MAGI2: variants seen among roughly 807,000 people sequenced by gnomAD.
MAGI2 encodes membrane associated guanylate kinase, WW and PDZ domain containing 2, also known as membrane-associated guanylate kinase, WW and PDZ domain-containing protein 2.
Under a neutral mutation model 133.3 loss-of-function variants are expected in MAGI2, and 35 were observed. The observed-to-expected ratio is 0.26, with a 90% CI of 0.20 to 0.35. The LOEUF (loss-of-function observed/expected upper bound fraction) is 0.35, where lower values mean the gene tolerates loss of function less well. MAGI2 is among the 10% of genes least tolerant of loss of function. MAGI2 has a pLI of 1.00. For synonymous variants in MAGI2, 729 were observed against 710.6 expected (o/e 1.03, Z -0.41); for missense variants, 1,636 against 1,863.4 (o/e 0.88, Z 2.25).
intron 20 of MAGI2, among the ~76,000 whole-genome samples, chr7:78,085,648 G>A (rs1816563156): frequency 6.6e-6 from 1 of 151,340 alleles, no homozygotes; most frequent in Non-Finnish European, 1.5e-5. Context: ...AAGCAGAAGT[G>A]TGAAATGACC....
At chr7:79,118,133 G>T (rs1483708886) in intron 1 of MAGI2, among the ~76,000 whole-genome samples, 1 of 152,136 alleles carries the variant, frequency 6.6e-6, no homozygotes, top group Non-Finnish European at 1.5e-5. Context: ...GTGTAACTTT[G>T]GCTGAGAAAA....
At chr7:79,234,587 G>A (rs1320949536) in intron 1 of MAGI2, among the ~76,000 whole-genome samples, 4 of 151,784 alleles carry the variant, frequency 2.6e-5, no homozygotes, top group Non-Finnish European at 5.9e-5. Flanking sequence ...TGATCGCATC[G>A]GCTCCTGAGG....
At position 78,209,132 on chromosome 7, in the gene MAGI2, G is replaced by C. The variant is rs552042754; in HGVS notation, c.2048-7939C>G. Among the ~76,000 whole-genome samples, 144 of 93,518 alleles carry C rather than the reference G, an allele frequency of 1.5e-3. 1 individual carries two copies. The highest frequency in any genetic ancestry group is 4.9e-3 in the African/African-American group (141 of 28,530). The allele number at this position is 93,518 out of a possible 152,430, so 61.4% of individuals were successfully genotyped here. Reference sequence around the variant, plus strand: ...AGCTACTTGGGAGGCTGAGGCAGGAGAATGGCGTGAACCCGGGAGGCGGAG... The same window carrying C: ...AGCTACTTGGGAGGCTGAGGCAGGACAATGGCGTGAACCCGGGAGGCGGAG... On this transcript the variant is annotated intron_variant, in intron 10 of 21. Transcript: ENST00000354212.
At chr7:78,976,445 C>G (rs1040334921) in intron 2 of MAGI2, among the ~76,000 whole-genome samples, 2 of 147,216 alleles carry the variant, frequency 1.4e-5, no homozygotes, top group Non-Finnish European at 3.0e-5. Context: ...AGAACATCCA[C>G]AAAAAATAAA....
intron 9 of MAGI2, among the ~76,000 whole-genome samples, chr7:78,312,772 C>T (rs1798819044): frequency 6.6e-6 from 1 of 151,886 alleles, no homozygotes; most frequent in Non-Finnish European, 1.5e-5. Flanking sequence ...CCATTCCATC[C>T]AGCAATCCCA....
intron 1 of MAGI2, among the ~76,000 whole-genome samples, chr7:79,209,153 C>T (rs943400530): frequency 6.6e-6 from 1 of 151,628 alleles, no homozygotes; most frequent in African/African-American, 2.4e-5. Context: ...TTAAAAAATG[C>T]TAAGAAAGTG....
chr7:79,174,886 T>C (rs1457396245), intron 1 of MAGI2, among the ~76,000 whole-genome samples: 2 of 151,896 alleles, frequency 1.3e-5, no homozygotes, highest in African/African-American at 4.8e-5. Flanking sequence ...TTGGAAAAGA[T>C]ATAAATACTG....
At chr7:78,582,298 G>A (rs1207723844) in intron 3 of MAGI2, among the ~76,000 whole-genome samples, 1 of 152,162 alleles carries the variant, frequency 6.6e-6, no homozygotes, top group East Asian at 1.9e-4. Flanking sequence ...GGGAAGTGAA[G>A]GAGAATGGGA....
At position 78,822,382 on chromosome 7, in the gene MAGI2, T is replaced by G. The variant is rs182916780; in HGVS notation, c.418+184708A>C. 7.8e-3 allele frequency among the ~76,000 whole-genome samples: 1,189 copies of G among 152,166 alleles called. 40 individuals are homozygous for G. Among genetic ancestry groups the G allele is most frequent in the Admixed American group, 0.051 (781 of 15,288 alleles). ...AATTTTGGTTGTACTATGGAGAGAA[T>G]AATAATTTAACTCATCTTTGGTTCT... On this transcript the variant is annotated intron_variant, in intron 2 of 21. Transcript: ENST00000354212.
intron 2 of MAGI2, among the ~76,000 whole-genome samples, chr7:78,835,044 A>C (rs1444425891): frequency 6.6e-6 from 1 of 152,216 alleles, no homozygotes; most frequent in Non-Finnish European, 1.5e-5. Context: ...TCACCCAGTC[A>C]CAGGTATTTC....
chr7:78,288,633 G>T (rs1474847371), intron 9 of MAGI2, among the ~76,000 whole-genome samples: 3 of 152,172 alleles, frequency 2.0e-5, no homozygotes, highest in Non-Finnish European at 4.4e-5. Flanking sequence ...TGAGATCTGA[G>T]ACTGGGCAGA....
intron 1 of MAGI2, among the ~76,000 whole-genome samples, chr7:79,376,242 T>C (rs958808238): frequency 2.0e-5 from 3 of 151,866 alleles, no homozygotes; most frequent in African/African-American, 7.2e-5. Context: ...CGATAAAGTG[T>C]AGTCTGTAAA....
intron 1 of MAGI2, among the ~76,000 whole-genome samples, chr7:79,154,770 T>C (rs914892768): frequency 2.6e-5 from 4 of 152,188 alleles, no homozygotes; most frequent in Admixed American, 1.3e-4. Flanking sequence ...ATTTCCTCTG[T>C]CATTTGTGCT....
At position 79,365,814 on chromosome 7, in the gene MAGI2, C is replaced by T. The variant is rs550783489; in HGVS notation, c.301+87206G>A. ...GGTGGAGGTTGTAGTGAGCCAAGAT[C>T]GGGCCGCTGCACTCCAGCCTGGGTG... On this transcript the variant is annotated intron_variant, in intron 1 of 21. Coordinates refer to ENST00000354212, the MANE Select transcript of MAGI2 (RefSeq NM_012301.4). Among the ~76,000 whole-genome samples the T allele has an allele frequency of 3.9e-5, 5 of 127,380 alleles. No homozygotes were observed. The South Asian group carries it at 1.3e-3, about 34-fold the overall frequency. The allele number at this position is 127,380 out of a possible 152,430, so 83.6% of individuals were successfully genotyped here. A position where few individuals can be genotyped will look rare whatever the true frequency, so the allele number is the denominator to read the frequency against.
At chr7:78,471,341 C>A (rs895835646) in intron 6 of MAGI2, among the ~76,000 whole-genome samples, 1 of 152,010 alleles carries the variant, frequency 6.6e-6, no homozygotes. Context: ...ATTAACTGAT[C>A]AAAAGTTTAT....
chr7:79,390,460 G>C (rs1221299615), intron 1 of MAGI2, among the ~76,000 whole-genome samples: 5 of 152,112 alleles, frequency 3.3e-5, no homozygotes, highest in Non-Finnish European at 1.5e-5. Context: ...TAGAAATAGA[G>C]CAGCAATCCT....
rs587780386 is a variant in MAGI2, at chr7:78,256,277, G to A, written c.1713C>T (p.Ser571=). The change falls in exon 10 of 22, where the codon TCC becomes TCT. Residue 571 remains serine (S), a synonymous_variant. Transcript: ENST00000354212. ...CGTCTAGCTGACCATCAGTTGGCAT[G>A]GAGTGCAGAGAATGAGGCGGCCGAT... ...ITDRPPHSLH[S]MPTDGQLDGT... The A allele has an allele frequency of 4.2e-5, 67 of 1,613,994 alleles. No homozygotes were observed. Among genetic ancestry groups the A allele is most frequent in the Non-Finnish European group, 5.6e-5 (66 of 1,180,014 alleles).
intron 2 of MAGI2, among the ~76,000 whole-genome samples, chr7:78,916,184 T>G (rs1798781648): frequency 1.3e-5 from 2 of 152,104 alleles, no homozygotes; most frequent in Non-Finnish European, 1.5e-5. Flanking sequence ...TAGTTCCTCA[T>G]CTGTAAAATA....
chr7:78,110,812 T>A (rs1353339900), intron 20 of MAGI2, among the ~76,000 whole-genome samples: 3 of 151,914 alleles, frequency 2.0e-5, no homozygotes, highest in Admixed American at 1.3e-4. Flanking sequence ...GGGGACAGGG[T>A]CTGACAATGG....
Sources: allele counts gnomAD v4.1 joint callset (sites outside exome capture counted in the v4.1 genomes callset), GRCh38; gene constraint gnomAD v4.1.1; transcripts MANE v1.5; gene names NCBI Gene and HGNC (gene_info 2026-07-23, HGNC 2026-07-21).